Variants in CADPS2 observed in about 807,000 individuals in gnomAD.
The protein encoded by CADPS2 is calcium-dependent secretion activator 2.
Under a neutral mutation model 172.5 loss-of-function variants are expected in CADPS2, and 93 were observed. The ratio of observed to expected loss-of-function variants is 0.54; its 90% confidence interval spans 0.46 to 0.64. The LOEUF is 0.64. Ranked by LOEUF, CADPS2 falls within the 30% of genes least tolerant of loss-of-function variation. CADPS2 has a pLI of 0.00. For missense variants in CADPS2, 1,420 were observed against 1,565.9 expected (o/e 0.91, Z 1.57); for synonymous variants, 546 against 555.2 (o/e 0.98, Z 0.23).
intron 17 of CADPS2, among the ~76,000 whole-genome samples, chr7:122,420,784 C>T (rs1473487767): frequency 1.3e-5 from 2 of 152,180 alleles, no homozygotes; most frequent in African/African-American, 2.4e-5. Context: ...AATTTCAATG[C>T]ATTGTTCTTG....
At chr7:122,782,052 T>C (rs552414625) in intron 1 of CADPS2, among the ~76,000 whole-genome samples, 3 of 152,356 alleles carry the variant, frequency 2.0e-5, no homozygotes, top group African/African-American at 7.2e-5. Context: ...GCTGAATTTC[T>C]CACTATTTTA....
intron 1 of CADPS2, among the ~76,000 whole-genome samples, chr7:122,870,150 C>G (rs775805423): frequency 1.7e-4 from 26 of 151,828 alleles, no homozygotes; most frequent in Non-Finnish European, 2.5e-4. Flanking sequence ...CAAAAGACAT[C>G]AAACAGCTTA....
At chr7:122,595,986 T>C (rs1398103864) in intron 6 of CADPS2, among the ~76,000 whole-genome samples, 2 of 152,044 alleles carry the variant, frequency 1.3e-5, no homozygotes, top group Non-Finnish European at 2.9e-5. Flanking sequence ...TGCGGTCCAC[T>C]GTACAGAAGT....
chr7:122,473,583 C>T (rs139684901), intron 13 of CADPS2, among the ~76,000 whole-genome samples: 59 of 152,254 alleles, frequency 3.9e-4, no homozygotes, highest in Non-Finnish European at 6.9e-4. Context: ...GATAGTCAAC[C>T]TGTACTATGC....
At chr7:122,447,646 T>A (rs556934096) in intron 15 of CADPS2, among the ~76,000 whole-genome samples, 17 of 144,148 alleles carry the variant, frequency 1.2e-4, no homozygotes, top group African/African-American at 4.3e-4. Flanking sequence ...CTCTGCCTCC[T>A]AGGTTCAAGC....
chr7:122,651,646 G>A (rs1430422646), intron 3 of CADPS2, among the ~76,000 whole-genome samples: 1 of 152,082 alleles, frequency 6.6e-6, no homozygotes, highest in Admixed American at 6.6e-5. Flanking sequence ...GTGGGAGGAG[G>A]GATAAGTGAA....
At chr7:122,737,193 T>C (rs2092218273) in intron 1 of CADPS2, 125 bp from the exon 2 acceptor site, 2 of 583,108 alleles carry the variant, frequency 3.4e-6, no homozygotes, top group Non-Finnish European at 6.1e-6. Context: ...TAAAGAAAAA[T>C]AAAAGCTAAA....
chr7:122,414,933 T>C (rs2047710434), intron 18 of CADPS2, among the ~76,000 whole-genome samples: 1 of 152,196 alleles, frequency 6.6e-6, no homozygotes. Context: ...AAAAGCACTG[T>C]CAGGGCACTG....
At chr7:122,605,012 C>A (rs1354963364) in intron 6 of CADPS2, among the ~76,000 whole-genome samples, 1 of 152,090 alleles carries the variant, frequency 6.6e-6, no homozygotes, top group African/African-American at 2.4e-5. Flanking sequence ...TCCTGGGCTA[C>A]AAACCTGTAT....
At chr7:122,566,728 A>T (rs1369029973) in intron 7 of CADPS2, among the ~76,000 whole-genome samples, 1 of 152,172 alleles carries the variant, frequency 6.6e-6, no homozygotes, top group Non-Finnish European at 1.5e-5. Context: ...TTATTCTATA[A>T]TTGTTGTTCT....
chr7:122,872,626 C>G (rs1820065054), intron 1 of CADPS2, among the ~76,000 whole-genome samples: 1 of 151,910 alleles, frequency 6.6e-6, no homozygotes, highest in Admixed American at 6.6e-5. Flanking sequence ...ATTTTGTAAG[C>G]CTTTTTAACT....
At chr7:122,856,928 A>T (rs748726524) in intron 1 of CADPS2, among the ~76,000 whole-genome samples, 2 of 152,188 alleles carry the variant, frequency 1.3e-5, no homozygotes, top group Non-Finnish European at 2.9e-5. Context: ...TATTCAATAT[A>T]TGTTACAAGT....
intron 17 of CADPS2, among the ~76,000 whole-genome samples, chr7:122,422,311 A>G (rs2048614268): frequency 6.6e-6 from 1 of 152,170 alleles, no homozygotes; most frequent in South Asian, 2.1e-4. Context: ...ATTACGGCCA[A>G]AGGCACAGCA....
At chr7:122,644,256 G>A (rs2078050359) in intron 3 of CADPS2, among the ~76,000 whole-genome samples, 1 of 152,044 alleles carries the variant, frequency 6.6e-6, no homozygotes, top group Admixed American at 6.5e-5. Context: ...TTGGATAATT[G>A]CATTATCTAC....
chr7:122,791,114 T>C (rs1220323055), intron 1 of CADPS2, among the ~76,000 whole-genome samples: 1 of 152,184 alleles, frequency 6.6e-6, no homozygotes, highest in African/African-American at 2.4e-5. Context: ...TAAAGTTGTA[T>C]AAGATTGTAT....
At chr7:122,332,665 C>G (rs577989121) in intron 28 of CADPS2, among the ~76,000 whole-genome samples, 10 of 152,238 alleles carry the variant, frequency 6.6e-5, no homozygotes, top group Non-Finnish European at 1.3e-4. Flanking sequence ...TTAAAAAATA[C>G]ATGAATATAA....
chr7:122,329,476 A>G (rs2034534386), intron 28 of CADPS2, among the ~76,000 whole-genome samples: 1 of 152,170 alleles, frequency 6.6e-6, no homozygotes, highest in Non-Finnish European at 1.5e-5. Context: ...ATTTTCTAAC[A>G]AGGATTAAAG....
At chr7:122,658,907 T>G (rs1336820142) in intron 3 of CADPS2, among the ~76,000 whole-genome samples, 1 of 151,636 alleles carries the variant, frequency 6.6e-6, no homozygotes, top group African/African-American at 2.4e-5. Flanking sequence ...ATAAGGAGAT[T>G]TAATAATATG....
At chr7:122,882,337 T>G (rs1464789556) in intron 1 of CADPS2, among the ~76,000 whole-genome samples, 1 of 152,134 alleles carries the variant, frequency 6.6e-6, no homozygotes, top group Non-Finnish European at 1.5e-5. Flanking sequence ...AAAATATAGG[T>G]ATATGAATTA....
Sources: allele counts gnomAD v4.1 joint callset (sites outside exome capture counted in the v4.1 genomes callset), GRCh38; gene constraint gnomAD v4.1.1; transcripts MANE v1.5; gene names NCBI Gene and HGNC (gene_info 2026-07-23, HGNC 2026-07-21).